TRMT44: variants seen among roughly 807,000 people sequenced by gnomAD.
TRMT44 encodes the protein tRNA methyltransferase 44 homolog.
A neutral mutation model predicts 77.3 loss-of-function variants in TRMT44; 78 were observed. The ratio of observed to expected loss-of-function variants is 1.01; its 90% CI spans 0.84 to 1.22. TRMT44 has a LOEUF of 1.22. Among genes scored for constraint, TRMT44 ranks in the 50% most tolerant of loss-of-function variants. TRMT44 has a pLI of 0.00. For missense variants in TRMT44, 1,090 were observed against 964.4 expected, an observed-to-expected ratio of 1.13 and a Z score of -1.73; for synonymous variants, 391 against 383.3, an observed-to-expected ratio of 1.02 and a Z score of -0.23.
chr4:8,462,458 G>C (rs1291212080), intron 6 of TRMT44, among the ~76,000 whole-genome samples: 1 of 151,664 alleles, frequency 6.6e-6, no homozygotes, highest in Non-Finnish European at 1.5e-5. Context: ...TGTAATCCCA[G>C]CACTTTGGGA....
chr4:8,464,197 T>C (rs2109147852), intron 7 of TRMT44, 106 bp downstream of exon 7: 2 of 772,942 alleles, frequency 2.6e-6, no homozygotes, highest in East Asian at 5.4e-5. Context: ...GTCAAGCACT[T>C]GAAATGTGGG....
intron 1 of TRMT44, 92 bp downstream of exon 1, chr4:8,441,533 C>T (rs1278249761): frequency 3.6e-6 from 5 of 1,380,098 alleles, no homozygotes; most frequent in African/African-American, 1.5e-5. Context: ...GGTACTAGTT[C>T]CTCTGCGATG....
rs577687456 is a variant in TRMT44, at chr4:8,471,467, C to T, written c.2044+267C>T. Among the ~76,000 whole-genome samples, 142 of 152,346 alleles carry T rather than the reference C, an allele frequency of 9.3e-4. 1 individual carries two copies. Among genetic ancestry groups the T allele is most frequent in the African/African-American group, 3.2e-3 (135 of 41,582 alleles). ...TCTCCCCCTATGCTGTGCTTGCTGA[C>T]GCCTCAGCTCCACTTGCTCCACGCA... is the stretch of plus-strand genomic sequence containing the variant. On this transcript the variant is annotated intron_variant, in intron 10 of 10. Transcript: ENST00000389737.
At chr4:8,499,583 TGAGGGTC>T in the TRMT44 span, among the ~76,000 whole-genome samples, 1 of 41,146 alleles carries the variant, frequency 2.4e-5, no homozygotes, top group Non-Finnish European at 5.4e-5. Flanking sequence ...GGGAGTGTCC[TGAGGGTC>T]GATTTAGTGT....
At chr4:8,466,471 T>C (rs1200214988) in intron 8 of TRMT44, among the ~76,000 whole-genome samples, 2 of 152,256 alleles carry the variant, frequency 1.3e-5, no homozygotes, top group African/African-American at 4.8e-5. Flanking sequence ...GCTGCCGTCA[T>C]AGCCGTGCAC....
chr4:8,510,252 C>A, the TRMT44 span: 1 of 152,702 alleles, frequency 6.5e-6, no homozygotes, highest in Non-Finnish European at 1.5e-5. Flanking sequence ...CCGTTCCCTG[C>A]CTTTTCCAGC....
downstream of TRMT44, among the ~76,000 whole-genome samples, chr4:8,496,628 C>T (rs1034306541): frequency 6.6e-5 from 10 of 152,276 alleles, no homozygotes; most frequent in African/African-American, 2.4e-4. Context: ...GTGAATTGCT[C>T]AGGGTCACAG....
the TRMT44 span, among the ~76,000 whole-genome samples, chr4:8,500,659 CTTT>C: frequency 1.4e-5 from 2 of 140,540 alleles, no homozygotes; most frequent in Middle Eastern, 3.7e-3. Flanking sequence ...GCACTGTTTA[CTTT>C]TTTTTTTTTT....
rs1727343195 is a variant in TRMT44 at position 8,475,847 on chromosome 4, A to G, written c.2120A>G (p.Gln707Arg). The change falls in exon 11 of 11, where the codon CAG becomes CGG. Residue 707 changes from glutamine to arginine, a missense_variant. Gln to Arg is a conservative substitution (Grantham distance 43). Coordinates refer to ENST00000389737, the MANE Select transcript of TRMT44 (RefSeq NM_152544.3). ...AAGACAAAGCAACCGGAAGCGAAAC[A>G]GAGACTGCTCTCTGAAGCCTGCAAA... ...LWKTKQPEAKQRLLSEACKTR... is the reference protein window; with the variant it reads ...LWKTKQPEAKRRLLSEACKTR... The G allele has an allele frequency of 1.2e-6, 2 of 1,614,060 alleles. No homozygotes were observed. Among genetic ancestry groups the G allele is most frequent in the Non-Finnish European group, 1.7e-6 (2 of 1,180,054 alleles).
chr4:8,480,550 C>A (rs923867308), downstream of TRMT44, among the ~76,000 whole-genome samples: 1 of 152,212 alleles, frequency 6.6e-6, no homozygotes, highest in Non-Finnish European at 1.5e-5. Flanking sequence ...TCTCTTAATG[C>A]GCTTGCTCTA....
chr4:8,495,667 G>A (rs565851803), downstream of TRMT44, among the ~76,000 whole-genome samples: 3 of 152,322 alleles, frequency 2.0e-5, no homozygotes, highest in Non-Finnish European at 2.9e-5. Flanking sequence ...AGAATCAGGA[G>A]CAGGCAGCAC....
intron 8 of TRMT44, among the ~76,000 whole-genome samples, chr4:8,467,465 A>G (rs1190851686): frequency 6.6e-6 from 1 of 151,570 alleles, no homozygotes; most frequent in Non-Finnish European, 1.5e-5. Context: ...GTCAGTTTTT[A>G]TTTTGTATTT....
At chr4:8,473,797 G>A (rs1176463590) in intron 10 of TRMT44, among the ~76,000 whole-genome samples, 4 of 152,140 alleles carry the variant, frequency 2.6e-5, no homozygotes, top group African/African-American at 4.8e-5. Context: ...CTGGAAGGCC[G>A]CCCCTTCTGG....
chr4:8,469,963 T>G (rs991709524), intron 9 of TRMT44, among the ~76,000 whole-genome samples: 3 of 152,240 alleles, frequency 2.0e-5, no homozygotes, highest in African/African-American at 7.2e-5. Context: ...GAAAGGGCCC[T>G]GCCCTCAAGA....
In TRMT44 at chr4:8,452,855, C is replaced by A; in HGVS notation, c.1024-27C>A. On this transcript the variant is annotated intron_variant, in intron 4 of 10. Coordinates refer to ENST00000389737, the MANE Select transcript of TRMT44 (RefSeq NM_152544.3). The surrounding 1 kb of genome is among the most constrained non-coding windows in gnomAD (Gnocchi z 5.7). ...TTGCGTAGAGTGAATTACCACCTGA[C>A]TTTGTTTTGTTTTTCTCTTCACTTA... The A allele has an allele frequency of 7.2e-7, 1 of 1,395,744 alleles. No individual in the cohort carries two copies. Among genetic ancestry groups the A allele is most frequent in the Non-Finnish European group, 9.7e-7 (1 of 1,031,094 alleles). 86.5% of individuals were successfully genotyped at this position (1,395,744 alleles called of 1,614,324 possible). A position where few individuals can be genotyped will look rare whatever the true frequency, so the allele number is the denominator to read the frequency against.
rs953826033 is a variant in TRMT44 at position 8,444,885 on chromosome 4, T to A, written c.620-1591T>A. Among the ~76,000 whole-genome samples, 1 of 152,276 alleles carries A rather than the reference T, an allele frequency of 6.6e-6. No homozygotes were observed. The highest frequency in any genetic ancestry group is 2.1e-4 in the South Asian group (1 of 4,824). ...GCTATGTACCCACAAAAATGAAAAA[T>A]TTAAAAATTTTAAAAATCGAAATTT... On this transcript the variant is annotated intron_variant, in intron 1 of 10. Coordinates refer to ENST00000389737, the MANE Select transcript of TRMT44 (RefSeq NM_152544.3). The surrounding 1 kb of genome is among the most constrained non-coding windows in gnomAD (Gnocchi z 4.0).
chr4:8,448,877 G>C (rs553911630), intron 2 of TRMT44, among the ~76,000 whole-genome samples: 1 of 152,220 alleles, frequency 6.6e-6, no homozygotes, highest in Non-Finnish European at 1.5e-5. Flanking sequence ...GCTCTGCCCC[G>C]CTCACCCAGT....
At chr4:8,454,634 T>G in intron 5 of TRMT44, 108 bp from the exon 6 acceptor site, 1 of 1,028,840 alleles carries the variant, frequency 9.7e-7, no homozygotes, top group East Asian at 2.4e-5. Flanking sequence ...GAAGCTCTTC[T>G]CTTGCCCTTC....
intron 2 of TRMT44, among the ~76,000 whole-genome samples, chr4:8,491,172 G>A (rs576420883): frequency 5.9e-5 from 9 of 151,472 alleles, no homozygotes; most frequent in African/African-American, 1.9e-4. Flanking sequence ...CAATCCCTGA[G>A]CTAGAGATAA....
Sources: allele counts gnomAD v4.1 joint callset (sites outside exome capture counted in the v4.1 genomes callset), GRCh38; gene constraint gnomAD v4.1.1; non-coding constraint Gnocchi (gnomAD v3.1); transcripts MANE v1.5; gene names NCBI Gene and HGNC (gene_info 2026-07-23, HGNC 2026-07-21).